Variants in ROBO1 observed in about 807,000 individuals in gnomAD.
ROBO1 encodes roundabout homolog 1.
ROBO1 carries 149 observed loss-of-function variants against 195.9 expected under a neutral mutation model. The observed-to-expected ratio is 0.76, with a 90% CI of 0.67 to 0.87. The LOEUF is 0.87. ROBO1 is among the 40% of genes least tolerant of loss of function. ROBO1 has a pLI of 0.00. For synonymous variants in ROBO1, 816 were observed against 733.2 expected (o/e 1.11, Z -1.82); for missense variants, 1,933 against 2,068.3 (o/e 0.93, Z 1.27).
chr3:79,530,124 A>G (rs1019033889), intron 2 of ROBO1, among the ~76,000 whole-genome samples: 6 of 152,210 alleles, frequency 3.9e-5, no homozygotes, highest in Non-Finnish European at 4.4e-5. Flanking sequence ...AATAACACAT[A>G]ATAAAACATT....
intron 2 of ROBO1, among the ~76,000 whole-genome samples, chr3:79,235,620 A>C (rs1197435024): frequency 2.0e-5 from 3 of 152,088 alleles, no homozygotes; most frequent in Non-Finnish European, 4.4e-5. Context: ...TTCCTGGAGG[A>C]TCATCTGTGG....
chr3:79,458,967 T>C (rs1365129681), intron 2 of ROBO1, among the ~76,000 whole-genome samples: 1 of 152,034 alleles, frequency 6.6e-6, no homozygotes, highest in Admixed American at 6.6e-5. Context: ...AACTAAAAAA[T>C]ATTTAAAAAC....
intron 2 of ROBO1, among the ~76,000 whole-genome samples, chr3:79,296,215 C>T (rs2032588846): frequency 2.0e-5 from 3 of 152,222 alleles, no homozygotes; most frequent in Middle Eastern, 3.4e-3. Flanking sequence ...ACATAAGACA[C>T]ATGAATGCTA....
At chr3:78,687,252 A>G (rs1271955973) in intron 9 of ROBO1, among the ~76,000 whole-genome samples, 2 of 152,148 alleles carry the variant, frequency 1.3e-5, no homozygotes, top group Non-Finnish European at 2.9e-5. Context: ...TGCACTTAAA[A>G]TTCTTCCTGT....
chr3:79,355,539 T>C lies in ROBO1; in HGVS notation c.89-230000A>G, dbSNP rs148745795. The stretch of plus-strand genomic sequence containing the variant: ...TATCTAACTGCAGCTTTGTACCTGT[T>C]GACCAATCTGTCACTATTCCTCCCT... On this transcript the variant is annotated intron_variant, in intron 2 of 30. Coordinates refer to ENST00000464233, the MANE Select transcript of ROBO1 (RefSeq NM_002941.4). 2.1e-3 allele frequency among the ~76,000 whole-genome samples: 316 copies of C among 152,322 alleles called. 1 individual carries two copies. Among genetic ancestry groups the C allele is most frequent in the African/African-American group, 7.2e-3 (300 of 41,562 alleles).
At chr3:79,399,008 C>G (rs540420690) in intron 2 of ROBO1, among the ~76,000 whole-genome samples, 7 of 151,982 alleles carry the variant, frequency 4.6e-5, no homozygotes, top group Admixed American at 1.3e-4. Flanking sequence ...GACTAGACAG[C>G]CTCCATTGAG....
chr3:79,422,456 A>G (rs2038265820), intron 2 of ROBO1, among the ~76,000 whole-genome samples: 1 of 152,094 alleles, frequency 6.6e-6, no homozygotes, highest in Admixed American at 6.6e-5. Flanking sequence ...AGGGAAATTG[A>G]CAAACATTTA....
Position 79,559,201 on chromosome 3 carries a change from T to C in ROBO1, c.88+30623A>G, listed in dbSNP as rs541714162. 3.5e-4 allele frequency among the ~76,000 whole-genome samples: 54 copies of C among 152,314 alleles called. No homozygotes were observed. In the South Asian group the frequency reaches 0.011, roughly 31 times the overall value. On this transcript the variant is annotated intron_variant, in intron 2 of 30. Transcript: ENST00000464233. ...TGATGTACCGACTTAGCTTTCATGA[T>C]AAGCCTATAAAAGCTCACTGCCTAT...
chr3:78,898,475 T>C (rs1164092591), intron 4 of ROBO1, among the ~76,000 whole-genome samples: 4 of 147,172 alleles, frequency 2.7e-5, no homozygotes, highest in African/African-American at 1.0e-4. Context: ...GCAACCTCCG[T>C]CTCCTGGGTT....
At chr3:79,673,189 T>C (rs189012360) in intron 1 of ROBO1, among the ~76,000 whole-genome samples, 92 of 152,188 alleles carry the variant, frequency 6.0e-4, no homozygotes, top group Admixed American at 1.8e-3. Context: ...ACAACATTTA[T>C]AGATTTCTTA....
chr3:79,436,680 T>C (rs1242748728), intron 2 of ROBO1, among the ~76,000 whole-genome samples: 1 of 152,082 alleles, frequency 6.6e-6, no homozygotes, highest in Non-Finnish European at 1.5e-5. Flanking sequence ...GTGTGAGATA[T>C]TTTAAAAGAG....
At chr3:79,566,836 G>A (rs1943105922) in intron 2 of ROBO1, among the ~76,000 whole-genome samples, 1 of 152,106 alleles carries the variant, frequency 6.6e-6, no homozygotes, top group Admixed American at 6.6e-5. Context: ...GCTGGTGGGA[G>A]TGTAAATTAG....
intron 3 of ROBO1, among the ~76,000 whole-genome samples, chr3:79,107,335 A>G (rs749823029): frequency 6.6e-6 from 1 of 151,900 alleles, no homozygotes; most frequent in Non-Finnish European, 1.5e-5. Flanking sequence ...ATATCATTTT[A>G]TCACACAAGG....
chr3:79,593,804 A>G (rs906382996), intron 1 of ROBO1, among the ~76,000 whole-genome samples: 14 of 151,782 alleles, frequency 9.2e-5, no homozygotes, highest in African/African-American at 3.4e-4. Context: ...TTTGGTAGAG[A>G]CAGGATTTTA....
chr3:79,016,693 C>T (rs1258848913), intron 3 of ROBO1, among the ~76,000 whole-genome samples: 3 of 152,110 alleles, frequency 2.0e-5, no homozygotes, highest in African/African-American at 7.3e-5. Flanking sequence ...CATATACAAA[C>T]TCAACTCAAA....
At chr3:79,702,541 C>G (rs1046260962) in intron 1 of ROBO1, among the ~76,000 whole-genome samples, 3 of 152,018 alleles carry the variant, frequency 2.0e-5, no homozygotes. Context: ...AATAACAATT[C>G]CATTCCTTCC....
At chr3:78,854,096 C>T (rs1314599433) in intron 4 of ROBO1, among the ~76,000 whole-genome samples, 3 of 151,914 alleles carry the variant, frequency 2.0e-5, no homozygotes, top group East Asian at 1.9e-4. Context: ...AATAATTCTG[C>T]CCCCAGACTG....
chr3:79,445,909 C>A (rs2039239512), intron 2 of ROBO1, among the ~76,000 whole-genome samples: 1 of 152,180 alleles, frequency 6.6e-6, no homozygotes, highest in Admixed American at 6.5e-5. Context: ...GCCTCAGCCT[C>A]CCAAAGTGCT....
intron 1 of ROBO1, among the ~76,000 whole-genome samples, chr3:79,694,130 A>C (rs1458236311): frequency 3.3e-5 from 5 of 151,838 alleles, no homozygotes; most frequent in Non-Finnish European, 4.4e-5. Flanking sequence ...AGATTCATAA[A>C]GTCTTCAGGA....
Sources: allele counts gnomAD v4.1 joint callset (sites outside exome capture counted in the v4.1 genomes callset), GRCh38; gene constraint gnomAD v4.1.1; transcripts MANE v1.5; gene names NCBI Gene and HGNC (gene_info 2026-07-23, HGNC 2026-07-21).